DNAH10: variants seen among roughly 807,000 people sequenced by gnomAD.
DNAH10 encodes the protein dynein axonemal heavy chain 10.
DNAH10 carries 348 observed loss-of-function variants against 506.6 expected under a neutral mutation model. That is an observed-to-expected ratio of 0.69 (90% CI 0.63 to 0.75). DNAH10 has a LOEUF of 0.75. Ranked by LOEUF, DNAH10 falls within the 30% of genes least tolerant of loss-of-function variation. The probability of loss-of-function intolerance (pLI) is 0.00; values close to 1 mark genes in which losing one functional copy is unlikely to be tolerated. For missense variants in DNAH10, 5,179 were observed against 5,787.1 expected, an observed-to-expected ratio of 0.89 and a Z score of 3.41; for synonymous variants, 2,059 against 2,198.6, an observed-to-expected ratio of 0.94 and a Z score of 1.78.
intron 14 of DNAH10, 113 bp from the exon 15 acceptor site, chr12:123,800,103 C>T: frequency 5.1e-6 from 5 of 975,126 alleles, no homozygotes; most frequent in Non-Finnish European, 2.9e-6. Flanking sequence ...GCACCCCCGT[C>T]TGGTGAAGGG....
chr12:123,875,228 A>G lies in DNAH10; in HGVS notation c.7939-3A>G. 1 of 1,604,176 alleles carries G rather than the reference A, an allele frequency of 6.2e-7. No individual in the cohort carries two copies. Among genetic ancestry groups the G allele is most frequent in the Non-Finnish European group, 8.5e-7 (1 of 1,174,430 alleles). ...TCTCTTTTCTTTTTTAAAAAAAATC[A>G]AGGTGGATGAATATGGCACGCAGCA... is the stretch of plus-strand genomic sequence containing the variant. On this transcript the variant is annotated splice_region_variant and splice_polypyrimidine_tract_variant and intron_variant, in intron 46 of 78. Transcript: ENST00000673944.
chr12:123,772,205 C>A (rs1957278311), intron 3 of DNAH10, among the ~76,000 whole-genome samples: 1 of 152,168 alleles, frequency 6.6e-6, no homozygotes, highest in South Asian at 2.1e-4. Context: ...TCACCACCAC[C>A]CTAGAGGTTG....
Position 123,838,594 on chromosome 12 carries a change from A to G in DNAH10, c.5041A>G (p.Asn1681Asp), listed in dbSNP as rs770307395. Residue 1681 changes from asparagine to aspartate, a missense_variant, in exon 29 of 79, where the codon AAT becomes GAT. Asn to Asp is a conservative substitution (Grantham distance 23, BLOSUM62 1). This residue lies in a region of DNAH10 where 4,844 missense variants were observed against 5,430.5 expected (regional missense o/e 0.89). Coordinates refer to ENST00000673944, the MANE Select transcript of DNAH10 (RefSeq NM_001372106.1). ...CAACGACTACTTAGATTCGAAGAGAAATGCTTTCCCAAGGTTCTTCTTCAT... is the reference window on the plus strand; with the variant it reads ...CAACGACTACTTAGATTCGAAGAGAGATGCTTTCCCAAGGTTCTTCTTCAT... ...SLNDYLDSKR[N>D]AFPRFFFISD... 5 of 1,614,024 alleles carry G rather than the reference A, an allele frequency of 3.1e-6. No homozygotes were observed. The South Asian group carries it at 5.5e-5, about 18-fold the overall frequency.
At chr12:123,808,983 C>G (rs768038189) in intron 19 of DNAH10, 30 bp downstream of exon 19, 1 of 1,612,162 alleles carries the variant, frequency 6.2e-7, no homozygotes, top group Non-Finnish European at 8.5e-7. Flanking sequence ...TGTCCTTGCT[C>G]AGACGGCATC....
At chr12:123,857,931 A>G (rs905052005) in intron 37 of DNAH10, among the ~76,000 whole-genome samples, 3 of 152,170 alleles carry the variant, frequency 2.0e-5, no homozygotes, top group Non-Finnish European at 4.4e-5. Flanking sequence ...TGACTACTCT[A>G]GGTACCTCCT....
Position 123,813,874 on chromosome 12 carries a change from C to G in DNAH10, c.3742C>G (p.Gln1248Glu). Residue 1248 changes from glutamine to glutamate, a missense_variant, in exon 21 of 79, where the codon CAG becomes GAG. This residue lies in a region of DNAH10 where 4,844 missense variants were observed against 5,430.5 expected (regional missense o/e 0.89). Coordinates refer to ENST00000673944, the MANE Select transcript of DNAH10 (RefSeq NM_001372106.1). ...LVMELRYRDV[Q>E]ERYRTMAMYN... Reference sequence around the variant, plus strand: ...CATGGAACTCAGATATAGGGACGTCCAGGAGCGATACCGTACCATGGCAAT... The same window carrying G: ...CATGGAACTCAGATATAGGGACGTCGAGGAGCGATACCGTACCATGGCAAT... The G allele has an allele frequency of 6.2e-7, 1 of 1,610,494 alleles. No individual in the cohort carries two copies. The highest frequency in any genetic ancestry group is 8.5e-7 in the Non-Finnish European group (1 of 1,179,178).
chr12:123,840,674 C>A (rs533054172), intron 29 of DNAH10, among the ~76,000 whole-genome samples: 1 of 152,188 alleles, frequency 6.6e-6, no homozygotes, highest in Non-Finnish European at 1.5e-5. Context: ...TGTTTTTATT[C>A]TTTAAAGCCT....
chr12:123,835,513 T>C lies in DNAH10; in HGVS notation c.4887T>C (p.Asp1629=). 1 of 1,607,756 alleles carries C rather than the reference T, an allele frequency of 6.2e-7. No individual in the cohort carries two copies. Among genetic ancestry groups the C allele is most frequent in the Non-Finnish European group, 8.5e-7 (1 of 1,176,816 alleles). The change falls in exon 28 of 79, where the codon GAT becomes GAC. Residue 1629 remains aspartate, a synonymous_variant. Coordinates refer to ENST00000673944, the MANE Select transcript of DNAH10 (RefSeq NM_001372106.1). ...PEEAKKFDNI[D]KVFKRIMGET... ...AGGCAAAAAAGTTTGACAACATCGA[T>C]AAAGTATTTAAAAGGGCAAGTGACT...
At chr12:123,894,280 A>G (rs921266688) in intron 53 of DNAH10, among the ~76,000 whole-genome samples, 4 of 151,232 alleles carry the variant, frequency 2.6e-5, no homozygotes, top group Admixed American at 6.6e-5. Flanking sequence ...TCTTTGAGAC[A>G]GGGTCTCACT....
intron 3 of DNAH10, among the ~76,000 whole-genome samples, chr12:123,771,979 T>C (rs1957269763): frequency 6.6e-6 from 1 of 152,144 alleles, no homozygotes; most frequent in South Asian, 2.1e-4. Flanking sequence ...CAGCAGAAAA[T>C]AGGCACAAGC....
chr12:123,858,743 A>G (rs775390252), intron 37 of DNAH10, among the ~76,000 whole-genome samples: 1 of 152,142 alleles, frequency 6.6e-6, no homozygotes, highest in Non-Finnish European at 1.5e-5. Context: ...CATGGGATAT[A>G]TTTTGGCCAT....
rs960017988 is a variant in DNAH10 at position 123,925,340 on chromosome 12, T to C, written c.11921+136T>C. ...CGCCACCCTGCTGTACAATATTCGA[T>C]AGCCGATATTCTAGAATTCTTCAAT... is the stretch of plus-strand genomic sequence containing the variant. On this transcript the variant is annotated intron_variant, in intron 68 of 78. Coordinates refer to ENST00000673944, the MANE Select transcript of DNAH10 (RefSeq NM_001372106.1). This position sits in a 1 kb window ranked among gnomAD's most constrained non-coding sequence, Gnocchi z 4.0. The C allele has an allele frequency of 6.3e-6, 7 of 1,118,032 alleles. No individual in the cohort carries two copies. In the African/African-American group the frequency reaches 1.1e-4, roughly 18 times the overall value. The allele number at this position is 1,118,032 out of a possible 1,614,324, so 69.3% of individuals were successfully genotyped here. A position where few individuals can be genotyped will look rare whatever the true frequency, so the allele number is the denominator to read the frequency against.
intron 51 of DNAH10, among the ~76,000 whole-genome samples, 177 bp from the exon 52 acceptor site, chr12:123,886,965 C>T (rs1192658982): frequency 6.6e-6 from 1 of 152,150 alleles, no homozygotes; most frequent in African/African-American, 2.4e-5. Context: ...CATGGGGCTT[C>T]CCCCTCCTCT....
intron 51 of DNAH10, 119 bp downstream of exon 51, chr12:123,881,932 G>A (rs1952529346): frequency 4.9e-6 from 5 of 1,010,726 alleles, no homozygotes; most frequent in Admixed American, 4.2e-5. Flanking sequence ...ATAGAGTATC[G>A]AGGTGGGTGT....
intron 14 of DNAH10, 41 bp downstream of exon 14, chr12:123,799,412 C>G (rs768799685): frequency 3.1e-5 from 49 of 1,586,734 alleles, no homozygotes; most frequent in Non-Finnish European, 4.1e-5. Context: ...CCGCGTGAGA[C>G]GATGGCGTCT....
chr12:123,762,573 CT>C lies in DNAH10; in HGVS notation c.214+25del. On this transcript the variant is annotated intron_variant, in intron 1 of 78. Coordinates refer to ENST00000673944, the MANE Select transcript of DNAH10 (RefSeq NM_001372106.1). The surrounding 1 kb of genome is among the most constrained non-coding windows in gnomAD (Gnocchi z 5.0). The stretch of plus-strand genomic sequence containing the variant: ...TTGGTGAGCCTCGACGCGCCGCTCC[CT>C]TCCCCGGGCTTCCCTCCTGCCCGTC... 2 of 1,532,912 alleles carry C rather than the reference CT, an allele frequency of 1.3e-6. No individual in the cohort carries two copies. Among genetic ancestry groups the C allele is most frequent in the Non-Finnish European group, 8.8e-7 (1 of 1,140,462 alleles). The allele number at this position is 1,532,912 out of a possible 1,614,324, so 95.0% of individuals were successfully genotyped here.
chr12:123,879,726 G>C lies in DNAH10; in HGVS notation c.8559G>C (p.Gln2853His), dbSNP rs753018754. 6.6e-5 allele frequency: 107 copies of C among 1,613,916 alleles called. No individual in the cohort carries two copies. The Middle Eastern group carries it at 1.3e-3, about 20-fold the overall frequency. Residue 2853 changes from glutamine to histidine, a missense_variant, in exon 50 of 79, where the codon CAG becomes CAC. Gln to His is a conservative substitution (Grantham distance 24, BLOSUM62 0). This residue lies in a region of DNAH10 where 4,844 missense variants were observed against 5,430.5 expected (regional missense o/e 0.89). Coordinates refer to ENST00000673944, the MANE Select transcript of DNAH10 (RefSeq NM_001372106.1). ...ATCCCATATTGTTTGGAGACTTCCA[G>C]ATGGCTCTGCACGAAGGAGAACCAC... is the stretch of plus-strand genomic sequence containing the variant. ...MRDPILFGDFQMALHEGEPRI... is the reference protein window; with the variant it reads ...MRDPILFGDFHMALHEGEPRI...
At chr12:123,811,267 A>G (rs1407219697) in intron 19 of DNAH10, among the ~76,000 whole-genome samples, 1 of 152,098 alleles carries the variant, frequency 6.6e-6, no homozygotes, top group African/African-American at 2.4e-5. Flanking sequence ...TATACAGCTT[A>G]GTGCAGTGTT....
rs1428864520 is a variant in DNAH10 at position 123,933,369 on chromosome 12, G to C, written c.13335G>C (p.Gly4445=). The change falls in exon 77 of 79, where the codon GGG becomes GGC. Residue 4445 remains glycine (G), a synonymous_variant. Transcript: ENST00000673944. The stretch of plus-strand genomic sequence containing the variant: ...AGCCCAGCGTGATGTGGCTCTCGGG[G>C]CTGCACATCCCTGAGTCCTACCTCA... ...ESEPSVMWLS[G]LHIPESYLTA... The C allele has an allele frequency of 6.2e-7, 1 of 1,606,808 alleles. No homozygotes were observed. Among genetic ancestry groups the C allele is most frequent in the East Asian group, 2.2e-5 (1 of 44,496 alleles).
Sources: allele counts gnomAD v4.1 joint callset (sites outside exome capture counted in the v4.1 genomes callset), GRCh38; gene constraint gnomAD v4.1.1; regional missense constraint gnomAD v4.1.1; non-coding constraint Gnocchi (gnomAD v3.1); transcripts MANE v1.5; gene names NCBI Gene and HGNC (gene_info 2026-07-23, HGNC 2026-07-21).